KDM2B: variants seen among roughly 807,000 people sequenced by gnomAD.
KDM2B encodes the protein lysine-specific demethylase 2B.
A neutral mutation model predicts 150.0 loss-of-function variants in KDM2B; 26 were observed. That is an observed-to-expected ratio of 0.17 (90% confidence interval 0.13 to 0.24). The LOEUF (loss-of-function observed/expected upper bound fraction) is 0.24, where lower values mean the gene tolerates loss of function less well. Among genes scored for constraint, KDM2B ranks in the 10% least tolerant of loss-of-function variants. KDM2B has a pLI of 1.00. For synonymous variants in KDM2B, 734 were observed against 729.5 expected, an observed-to-expected ratio of 1.01 and a Z score of -0.10; for missense variants, 1,265 against 1,816.9, an observed-to-expected ratio of 0.70 and a Z score of 5.52.
chr12:121,563,182 G>C (rs151309032), intron 4 of KDM2B, among the ~76,000 whole-genome samples: 6 of 152,126 alleles, frequency 3.9e-5, no homozygotes, highest in Admixed American at 6.6e-5. Context: ...ACAATTAGCC[G>C]TGCATGCCCA....
At chr12:121,511,129 GCC>G (rs1885546806) in intron 10 of KDM2B, among the ~76,000 whole-genome samples, 1 of 151,694 alleles carries the variant, frequency 6.6e-6, no homozygotes, top group East Asian at 1.9e-4. Flanking sequence ...TCCTGCCTCA[GCC>G]TCCCGAGTAG....
intron 8 of KDM2B, among the ~76,000 whole-genome samples, chr12:121,530,473 C>T (rs1329259709): frequency 2.0e-5 from 3 of 151,768 alleles, no homozygotes; most frequent in Admixed American, 6.6e-5. Context: ...AGTTTTTTTT[C>T]ACTGGTCCAT....
chr12:121,579,893 G>A lies in KDM2B; in HGVS notation c.126+893C>T, dbSNP rs1309937205. On this transcript the variant is annotated intron_variant, in intron 1 of 22. Transcript: ENST00000377071. ...ATGCAATTTATTATATTTTTTTCCC[G>A]GTCCTCTTGCAAAATACAGAAAAGG... 4 of 1,467,234 alleles carry A rather than the reference G, an allele frequency of 2.7e-6. No homozygotes were observed. In the African/African-American group the frequency reaches 4.4e-5, roughly 16 times the overall value. 90.9% of individuals were successfully genotyped at this position (1,467,234 alleles called of 1,614,324 possible). A position where few individuals can be genotyped will look rare whatever the true frequency, so the allele number is the denominator to read the frequency against.
chr12:121,580,344 C>G, intron 1 of KDM2B: 3 of 1,119,846 alleles, frequency 2.7e-6, no homozygotes, highest in Non-Finnish European at 3.2e-6. Flanking sequence ...TTTGGGGGGG[C>G]TCTCGGCCCG....
At chr12:121,466,649 G>A (rs1426992756) in intron 12 of KDM2B, among the ~76,000 whole-genome samples, 1 of 150,816 alleles carries the variant, frequency 6.6e-6, no homozygotes, top group Non-Finnish European at 1.5e-5. Flanking sequence ...ACAAAAGCTC[G>A]GGCCGTCGGG....
chr12:121,446,353 A>G (rs1432794551), intron 13 of KDM2B, among the ~76,000 whole-genome samples: 10 of 152,194 alleles, frequency 6.6e-5, no homozygotes, highest in Non-Finnish European at 1.5e-4. Context: ...AGCCGAGACC[A>G]TGCCACTGCA....
intron 6 of KDM2B, among the ~76,000 whole-genome samples, chr12:121,546,059 C>T (rs552185247): frequency 6.6e-6 from 1 of 152,242 alleles, no homozygotes; most frequent in Admixed American, 6.5e-5. Context: ...GCACTGTGGG[C>T]CTCATCGCAG....
At chr12:121,476,032 C>T (rs1452778609) in intron 12 of KDM2B, among the ~76,000 whole-genome samples, 2 of 151,756 alleles carry the variant, frequency 1.3e-5, no homozygotes, top group African/African-American at 2.4e-5. Flanking sequence ...CGGTGGCTCA[C>T]GCTTGTAATC....
At position 121,443,740 on chromosome 12, in the gene KDM2B, G is replaced by A; in HGVS notation, c.2505C>T (p.Pro835=). The change falls in exon 17 of 23, where the codon CCC becomes CCT. Residue 835 remains proline, a synonymous_variant. Transcript: ENST00000377071. ...PGSSSHLSPR[P]PLGSSLSPWW... ...AGGGGCTGAGGCTGCTGCCTAGAGG[G>A]GGCCTCGGCGAGAGGTGAGAGGAGG... The A allele has an allele frequency of 6.2e-7, 1 of 1,611,326 alleles. No homozygotes were observed. The highest frequency in any genetic ancestry group is 8.5e-7 in the Non-Finnish European group (1 of 1,179,602).
chr12:121,424,394 C>A (rs555243879), downstream of KDM2B: 2 of 152,498 alleles, frequency 1.3e-5, no homozygotes, highest in South Asian at 4.1e-4. Context: ...AGTGACCTGG[C>A]CTAGCACCCC....
chr12:121,420,205 G>T, the KDM2B span: 2 of 1,596,820 alleles, frequency 1.3e-6, no homozygotes, highest in South Asian at 2.2e-5. Context: ...AATACAGATT[G>T]ATTCCTGACC....
At position 121,442,597 on chromosome 12, in the gene KDM2B, C is replaced by T. The variant is rs782745438; in HGVS notation, c.2844G>A (p.Arg948=). ...KRRLPNKELS[R]ELSKELNHEI... is the part of the protein sequence containing the mutation. ...CGTGGTTGAGCTCCTTGCTCAGCTC[C>T]CTGCTCAGCTCCTTGTTGGGAAGCC... The change falls in exon 19 of 23, where the codon AGG becomes AGA. Residue 948 remains arginine, a synonymous_variant. Coordinates refer to ENST00000377071, the MANE Select transcript of KDM2B (RefSeq NM_032590.5). The surrounding 1 kb of genome is among the most constrained non-coding windows in gnomAD (Gnocchi z 7.7). The T allele has an allele frequency of 1.2e-6, 2 of 1,602,016 alleles. No homozygotes were observed. The highest frequency in any genetic ancestry group is 1.1e-5 in the South Asian group (1 of 90,990).
In KDM2B at chr12:121,439,972, G is replaced by A. The variant is rs1236485810; in HGVS notation, c.3714C>T (p.Pro1238=). Residue 1238 remains proline (P), a synonymous_variant, in exon 22 of 23, where the codon CCC becomes CCT. Coordinates refer to ENST00000377071, the MANE Select transcript of KDM2B (RefSeq NM_032590.5). The part of the protein sequence containing the change: ...ASLRLIIRHM[P]LLSKLHLSYC... ...AACTGAGGTGGAGCTTGGAGAGCAG[G>A]GGCATGTGGCGGATGATGAGCCGCA... The A allele has an allele frequency of 6.2e-7, 1 of 1,614,056 alleles. No homozygotes were observed. Among genetic ancestry groups the A allele is most frequent in the Non-Finnish European group, 8.5e-7 (1 of 1,180,036 alleles).
intron 4 of KDM2B, among the ~76,000 whole-genome samples, chr12:121,573,503 G>A (rs1447523728): frequency 6.6e-6 from 1 of 151,642 alleles, no homozygotes; most frequent in Non-Finnish European, 1.5e-5. Flanking sequence ...TCAAATTCTT[G>A]GGCTCAAGCG....
At chr12:121,447,053 A>G (rs1186890544) in intron 13 of KDM2B, among the ~76,000 whole-genome samples, 2 of 152,158 alleles carry the variant, frequency 1.3e-5, no homozygotes, top group African/African-American at 2.4e-5. Context: ...CATTGCAACT[A>G]AACTTTAAAA....
intron 6 of KDM2B, 135 bp downstream of exon 6, chr12:121,548,742 T>C: frequency 1.5e-6 from 1 of 676,880 alleles, no homozygotes; most frequent in South Asian, 1.7e-5. Context: ...ACAGGCACAG[T>C]CCTTCAGTTC....
intron 6 of KDM2B, among the ~76,000 whole-genome samples, chr12:121,540,214 T>TTA (rs1888495347): frequency 6.6e-6 from 1 of 152,162 alleles, no homozygotes; most frequent in Non-Finnish European, 1.5e-5. Context: ...TCTTTGTTCC[T>TTA]CTTTTAAAGG....
In KDM2B at chr12:121,468,483, T is replaced by TA. The variant is rs1230118264; in HGVS notation, c.1735-15140dup. The TA allele has an allele frequency of 2.0e-5, 3 of 152,166 alleles. No homozygotes were observed. The highest frequency in any genetic ancestry group is 2.9e-5 in the Non-Finnish European group (2 of 68,020). The allele number at this position is 152,166 out of a possible 1,614,324, so 9.4% of individuals were successfully genotyped here. On this transcript the variant is annotated intron_variant, in intron 12 of 22. Coordinates refer to ENST00000377071, the MANE Select transcript of KDM2B (RefSeq NM_032590.5). The surrounding 1 kb of genome is among the most constrained non-coding windows in gnomAD (Gnocchi z 4.0). ...TCCACCTGTCCAAGGTAACACTAAA[T>TA]ATGCACACCTGTACCTGTTCAGTTT...
chr12:121,459,045 C>G (rs1455281753), intron 12 of KDM2B, among the ~76,000 whole-genome samples: 2 of 147,830 alleles, frequency 1.4e-5, no homozygotes, highest in Non-Finnish European at 3.0e-5. Context: ...AAGATCACAC[C>G]ACTGCACTCC....
Sources: gnomAD v4.1 joint callset for allele counts (sites outside exome capture counted in the v4.1 genomes callset) on GRCh38, gnomAD v4.1.1 for gene constraint, Gnocchi (gnomAD v3.1) non-coding constraint, MANE v1.5 for transcripts, NCBI Gene and HGNC (gene_info 2026-07-23, HGNC 2026-07-21) for gene names.